The following PIP5K1B variants were observed in gnomAD, a reference collection of about 807,000 sequenced individuals.
PIP5K1B encodes phosphatidylinositol-4-phosphate 5-kinase type 1 beta.
In PIP5K1B, 42 loss-of-function variants were observed where a neutral mutation model predicts 67.0. That is an observed-to-expected ratio of 0.63 (90% CI 0.49 to 0.81). PIP5K1B has a LOEUF of 0.81. Among genes scored for constraint, PIP5K1B ranks in the 30% least tolerant of loss-of-function variants. The probability of loss-of-function intolerance (pLI) is 0.00; values close to 1 mark genes in which losing one functional copy is unlikely to be tolerated. For synonymous variants in PIP5K1B, 214 were observed against 231.4 expected, an observed-to-expected ratio of 0.92 and a Z score of 0.68; for missense variants, 459 against 646.3, an observed-to-expected ratio of 0.71 and a Z score of 3.14.
chr9:68,960,226 C>G (rs1435911989), intron 14 of PIP5K1B, among the ~76,000 whole-genome samples: 1 of 152,158 alleles, frequency 6.6e-6, no homozygotes, highest in South Asian at 2.1e-4. Flanking sequence ...TTCAGGCTCC[C>G]TAAGTTGCTG....
intron 13 of PIP5K1B, among the ~76,000 whole-genome samples, chr9:68,938,467 C>T (rs1564251465): frequency 6.6e-6 from 1 of 152,064 alleles, no homozygotes; most frequent in Non-Finnish European, 1.5e-5. Flanking sequence ...TTCCTCCATC[C>T]CTTTATTTTG....
At chr9:68,713,212 A>C (rs528535669) in intron 1 of PIP5K1B, among the ~76,000 whole-genome samples, 2 of 152,212 alleles carry the variant, frequency 1.3e-5, no homozygotes, top group Admixed American at 1.3e-4. Flanking sequence ...CAGCCTGGCC[A>C]ACATGGTGAA....
At chr9:68,979,218 C>T (rs1180478233) in intron 14 of PIP5K1B, among the ~76,000 whole-genome samples, 2 of 152,118 alleles carry the variant, frequency 1.3e-5, no homozygotes, top group African/African-American at 4.8e-5. Flanking sequence ...TCCAGTCAGA[C>T]CTACGTTCAA....
At chr9:68,829,075 C>G (rs1004523608) in intron 4 of PIP5K1B, among the ~76,000 whole-genome samples, 3 of 152,224 alleles carry the variant, frequency 2.0e-5, no homozygotes, top group African/African-American at 7.2e-5. Flanking sequence ...GCACTCCAGC[C>G]TGGGCGACAG....
chr9:68,790,879 A>G (rs1180729856), intron 2 of PIP5K1B, among the ~76,000 whole-genome samples: 1 of 152,230 alleles, frequency 6.6e-6, no homozygotes, highest in African/African-American at 2.4e-5. Context: ...ACTTGTACCT[A>G]GGACCTCTTT....
chr9:68,990,616 A>G (rs1182406073), intron 14 of PIP5K1B, among the ~76,000 whole-genome samples: 8 of 149,412 alleles, frequency 5.4e-5, no homozygotes, highest in Non-Finnish European at 1.2e-4. Flanking sequence ...GCAATGAGGT[A>G]TCTCGTGTGC....
At chr9:68,863,018 C>T (rs1823176954) in intron 4 of PIP5K1B, among the ~76,000 whole-genome samples, 1 of 151,950 alleles carries the variant, frequency 6.6e-6, no homozygotes, top group African/African-American at 2.4e-5. Flanking sequence ...AAGAAAGTAT[C>T]TTTTCTATAA....
At chr9:68,931,408 A>T (rs1447070143) in intron 12 of PIP5K1B, among the ~76,000 whole-genome samples, 1 of 152,226 alleles carries the variant, frequency 6.6e-6, no homozygotes, top group East Asian at 1.9e-4. Context: ...AGCTTTTTAA[A>T]TATTGATTAG....
At chr9:68,887,998 G>C (rs966326950) in intron 6 of PIP5K1B, among the ~76,000 whole-genome samples, 9 of 67,036 alleles carry the variant, frequency 1.3e-4, no homozygotes, top group Non-Finnish European at 2.7e-4. Context: ...TTTTTTTTTT[G>C]AGCAGAGTCT....
chr9:68,749,775 G>A (rs141200738), intron 2 of PIP5K1B, among the ~76,000 whole-genome samples: 4 of 152,186 alleles, frequency 2.6e-5, no homozygotes, highest in East Asian at 3.9e-4. Context: ...GATGTTCAGC[G>A]GCATTCCTAT....
chr9:68,741,102 C>G (rs1420706037), intron 1 of PIP5K1B, among the ~76,000 whole-genome samples: 2 of 152,182 alleles, frequency 1.3e-5, no homozygotes, highest in African/African-American at 2.4e-5. Context: ...CTTTCATTCT[C>G]GAACACAGAT....
At chr9:68,844,963 A>G (rs960761057) in intron 4 of PIP5K1B, among the ~76,000 whole-genome samples, 1 of 152,224 alleles carries the variant, frequency 6.6e-6, no homozygotes, top group Non-Finnish European at 1.5e-5. Flanking sequence ...AAAAACAGAC[A>G]TCTAGAAAAT....
chr9:68,818,320 A>G (rs1406734413), intron 2 of PIP5K1B, 141 bp from the exon 3 acceptor site: 1 of 152,056 alleles, frequency 6.6e-6, no homozygotes, highest in Non-Finnish European at 1.5e-5. Context: ...CTCCATGTTT[A>G]TTTTCCCTCA....
In PIP5K1B at chr9:68,919,611, A is replaced by G. The variant is rs748720000; in HGVS notation, c.1067+49A>G. The G allele has an allele frequency of 1.0e-5, 14 of 1,404,242 alleles. No individual in the cohort carries two copies. In the African/African-American group the frequency reaches 1.9e-4, roughly 19 times the overall value. 87.0% of individuals were successfully genotyped at this position (1,404,242 alleles called of 1,614,324 possible). A position where few individuals can be genotyped will look rare whatever the true frequency, so the allele number is the denominator to read the frequency against. On this transcript the variant is annotated intron_variant, in intron 10 of 15. Transcript: ENST00000265382. ...TTTATTATTTCAAAATCAATCTACA[A>G]AAGGTTCTGAAAAATCACCAAATGA...
chr9:68,843,612 C>T (rs1470188569), intron 4 of PIP5K1B, among the ~76,000 whole-genome samples: 10 of 152,180 alleles, frequency 6.6e-5, no homozygotes, highest in Admixed American at 1.3e-4. Flanking sequence ...AGCATCAGGA[C>T]CACCCATCCC....
intron 5 of PIP5K1B, among the ~76,000 whole-genome samples, chr9:68,876,202 G>A (rs1029375005): frequency 5.3e-5 from 8 of 152,018 alleles, no homozygotes; most frequent in African/African-American, 1.5e-4. Context: ...TTCAGATTGG[G>A]GTCCTATTCC....
chr9:68,904,338 G>A (rs1455356678), intron 8 of PIP5K1B, among the ~76,000 whole-genome samples: 2 of 152,236 alleles, frequency 1.3e-5, no homozygotes, highest in African/African-American at 4.8e-5. Flanking sequence ...AGATACAGGG[G>A]CAGATGCTGT....
chr9:68,991,958 C>A (rs1587773167), intron 15 of PIP5K1B, among the ~76,000 whole-genome samples: 1 of 149,910 alleles, frequency 6.7e-6, no homozygotes, highest in East Asian at 1.9e-4. Context: ...TGTATGCCTG[C>A]ACAAAAAAAA....
rs141155422 is a variant in PIP5K1B, at chr9:68,854,366, G to T, written c.70-9471G>T. Among the ~76,000 whole-genome samples the T allele has an allele frequency of 4.0e-3, 613 of 152,118 alleles. 1 individual carries two copies. Among genetic ancestry groups the T allele is most frequent in the Non-Finnish European group, 6.6e-3 (447 of 67,990 alleles). Reference sequence around the variant, plus strand: ...GCTGATCTCATACTCCTAGGCCCAGGTGATCCTCCTGCCCTGGCCTCTCAA... The same window carrying T: ...GCTGATCTCATACTCCTAGGCCCAGTTGATCCTCCTGCCCTGGCCTCTCAA... On this transcript the variant is annotated intron_variant, in intron 4 of 15. Transcript: ENST00000265382.
Sources: gnomAD v4.1 joint callset for allele counts (sites outside exome capture counted in the v4.1 genomes callset) on GRCh38, gnomAD v4.1.1 for gene constraint, MANE v1.5 for transcripts, NCBI Gene and HGNC (gene_info 2026-07-23, HGNC 2026-07-21) for gene names.